The following WDR64 variants were observed in gnomAD, a reference collection of about 807,000 sequenced individuals.
WDR64 encodes the protein WD repeat domain 64, also known as WD repeat-containing protein 64.
Under a neutral mutation model 139.3 loss-of-function variants are expected in WDR64, and 112 were observed. The observed-to-expected ratio is 0.80, with a 90% confidence interval of 0.69 to 0.94. The LOEUF is 0.94. Among genes scored for constraint, WDR64 ranks in the 40% least tolerant of loss-of-function variants. The pLI is 0.00. For missense variants in WDR64, 1,206 were observed against 1,293.1 expected (o/e 0.93, Z 1.03); for synonymous variants, 444 against 437.7 (o/e 1.01, Z -0.18).
chr1:241,790,724 A>T, intron 25 of WDR64, 28 bp downstream of exon 25: 1 of 1,362,204 alleles, frequency 7.3e-7, no homozygotes, highest in Non-Finnish European at 1.0e-6. Context: ...AAAAAAAAGA[A>T]ATGGCAACAA....
intron 8 of WDR64, among the ~76,000 whole-genome samples, chr1:241,705,595 T>TAATAAA (rs1004702038): frequency 1.3e-5 from 2 of 148,282 alleles, no homozygotes; most frequent in Non-Finnish European, 3.0e-5. Flanking sequence ...ATAATAATAA[T>TAATAAA]AAAAGATACA....
intron 23 of WDR64, 71 bp downstream of exon 23, chr1:241,783,452 G>A (rs1292030628): frequency 8.4e-7 from 1 of 1,186,000 alleles, no homozygotes. Flanking sequence ...TTAAGCTAAA[G>A]TTGAAGTATA....
At chr1:241,681,158 GGT>G (rs1574002959) in intron 6 of WDR64, among the ~76,000 whole-genome samples, 1 of 151,968 alleles carries the variant, frequency 6.6e-6, no homozygotes, top group East Asian at 1.9e-4. Context: ...GGGAACAGGT[GGT>G]ATTTGGTTAC....
At position 241,703,725 on chromosome 1, in the gene WDR64, G is replaced by C. The variant is rs757704748; in HGVS notation, c.975-8077G>C. 6.6e-6 allele frequency among the ~76,000 whole-genome samples: 1 copy of C among 152,130 alleles called. No individual in the cohort carries two copies. Among genetic ancestry groups the C allele is most frequent in the South Asian group, 2.1e-4 (1 of 4,824 alleles). On this transcript the variant is annotated intron_variant, in intron 8 of 27. Transcript: ENST00000437684. The surrounding 1 kb of genome is among the most constrained non-coding windows in gnomAD (Gnocchi z 5.9). ...TCACACTGCTATAAAGATACTATCTGAGACTCAATAATTTGTAAAGGAAAG... is the reference window on the plus strand; with the variant it reads ...TCACACTGCTATAAAGATACTATCTCAGACTCAATAATTTGTAAAGGAAAG...
chr1:241,713,384 A>G (rs114733923), intron 9 of WDR64, among the ~76,000 whole-genome samples: 11,105 of 111,848 alleles, frequency 0.099, 798 homozygotes, highest in Admixed American at 0.14. Flanking sequence ...AGGGAAGGAA[A>G]GGAAGGAAGG....
chr1:241,666,420 C>T (rs191020396), intron 2 of WDR64, among the ~76,000 whole-genome samples: 287 of 152,152 alleles, frequency 1.9e-3, no homozygotes, highest in Middle Eastern at 6.8e-3. Context: ...TGATATTTTT[C>T]GTATCCTTTG....
In WDR64 at chr1:241,801,992, G is replaced by A; in HGVS notation, c.*777G>A. ...CATACAAGGACACCAAACTCTTAAA[G>A]ATAAAAGAATGAAAAAAGATGTATG... On this transcript the variant is annotated 3_prime_UTR_variant, in exon 28 of 28. Transcript: ENST00000437684. 2.5e-6 allele frequency: 1 copy of A among 397,462 alleles called. No homozygotes were observed. The highest frequency in any genetic ancestry group is 4.4e-6 in the Non-Finnish European group (1 of 225,646). 24.6% of individuals were successfully genotyped at this position (397,462 alleles called of 1,614,324 possible).
intron 9 of WDR64, among the ~76,000 whole-genome samples, chr1:241,717,529 C>A (rs1668449677): frequency 6.6e-6 from 1 of 151,856 alleles, no homozygotes; most frequent in Non-Finnish European, 1.5e-5. Context: ...AAGTGACTCA[C>A]CCAACTGAGA....
In WDR64 at chr1:241,717,683, C is replaced by T. The variant is rs185534601; in HGVS notation, c.1055-5614C>T. Among the ~76,000 whole-genome samples, 540 of 152,012 alleles carry T rather than the reference C, an allele frequency of 3.6e-3. 1 individual carries two copies. Among genetic ancestry groups the T allele is most frequent in the African/African-American group, 0.013 (519 of 41,480 alleles). The stretch of plus-strand genomic sequence containing the variant: ...AACAGGGAATTAACTCTTTATGAGC[C>T]ATAATATTTATAGTATAAAGACCTA... On this transcript the variant is annotated intron_variant, in intron 9 of 27. Transcript: ENST00000437684.
chr1:241,698,667 G>A (rs557102516), intron 8 of WDR64, among the ~76,000 whole-genome samples: 1 of 152,154 alleles, frequency 6.6e-6, no homozygotes, highest in East Asian at 1.9e-4. Context: ...TTTTGAGCCT[G>A]AAATACCCTC....
Position 241,801,566 on chromosome 1 carries a change from T to C in WDR64, c.*351T>C, listed in dbSNP as rs1659526268. On this transcript the variant is annotated 3_prime_UTR_variant, in exon 28 of 28. Transcript: ENST00000437684. ...TGGTCACCTTACTCCACAGCAAGAA[T>C]GACTGTCAGAACATGTGCAGTAAAA... 7 of 406,370 alleles carry C rather than the reference T, an allele frequency of 1.7e-5. No individual in the cohort carries two copies. The highest frequency in any genetic ancestry group is 3.0e-5 in the Non-Finnish European group (7 of 230,328). The allele number at this position is 406,370 out of a possible 1,614,324, so 25.2% of individuals were successfully genotyped here. A position where few individuals can be genotyped will look rare whatever the true frequency, so the allele number is the denominator to read the frequency against.
chr1:241,733,117 T>C (rs78733204), intron 10 of WDR64, among the ~76,000 whole-genome samples: 3,602 of 152,240 alleles, frequency 0.024, 133 homozygotes, highest in African/African-American at 0.081. Context: ...ATCAACCTTA[T>C]AGTTGAATGT....
chr1:241,737,159 T>G (rs888844070), intron 10 of WDR64, among the ~76,000 whole-genome samples: 6 of 152,210 alleles, frequency 3.9e-5, no homozygotes, highest in Non-Finnish European at 5.9e-5. Context: ...CAATGTTCTA[T>G]CTACTCCTCC....
chr1:241,779,928 A>G (rs1188509952), intron 21 of WDR64, 76 bp from the exon 22 acceptor site: 2 of 1,136,314 alleles, frequency 1.8e-6, no homozygotes. Context: ...TACCTAAATC[A>G]AAATAACTTT....
At chr1:241,670,730 A>G (rs1034098956) in intron 2 of WDR64, among the ~76,000 whole-genome samples, 3 of 152,154 alleles carry the variant, frequency 2.0e-5, no homozygotes, top group Admixed American at 2.0e-4. Context: ...TCCTCACAGA[A>G]GCGTCAGCCC....
chr1:241,775,772 T>C (rs928998861), intron 21 of WDR64, among the ~76,000 whole-genome samples: 1 of 152,212 alleles, frequency 6.6e-6, no homozygotes, highest in Non-Finnish European at 1.5e-5. Context: ...TGTATGTGAA[T>C]GCACATGCAT....
At chr1:241,723,733 A>G (rs1166692884) in intron 10 of WDR64, among the ~76,000 whole-genome samples, 1 of 152,134 alleles carries the variant, frequency 6.6e-6, no homozygotes. Context: ...GAACATTAGG[A>G]AAAAAATGAG....
chr1:241,652,579 C>T lies in WDR64; in HGVS notation c.95C>T (p.Thr32Ile). The T allele has an allele frequency of 1.3e-6, 2 of 1,551,918 alleles. No individual in the cohort carries two copies. Among genetic ancestry groups the T allele is most frequent in the Non-Finnish European group, 1.7e-6 (2 of 1,147,050 alleles). ...LNRFEKLVEQ[T>I]AAQKRDERAG... ...AGGTTTGAAAAATTGGTTGAACAAACAGCAGCCCAGAAAAGAGATGAAAGA... is the reference window on the plus strand; with the variant it reads ...AGGTTTGAAAAATTGGTTGAACAAATAGCAGCCCAGAAAAGAGATGAAAGA... The change falls in exon 1 of 28, where the codon ACA becomes ATA. Residue 32 changes from threonine (T) to isoleucine (I), a missense_variant. Coordinates refer to ENST00000437684, the MANE Select transcript of WDR64 (RefSeq NM_001367482.1).
chr1:241,712,703 G>C (rs1668221874), intron 9 of WDR64, among the ~76,000 whole-genome samples: 1 of 152,144 alleles, frequency 6.6e-6, no homozygotes, highest in Admixed American at 6.5e-5. Context: ...AACTGACTGG[G>C]CTCCATGGTT....
Sources: allele counts gnomAD v4.1 joint callset (sites outside exome capture counted in the v4.1 genomes callset), GRCh38; gene constraint gnomAD v4.1.1; non-coding constraint Gnocchi (gnomAD v3.1); transcripts MANE v1.5; gene names NCBI Gene and HGNC (gene_info 2026-07-23, HGNC 2026-07-21).